TSGA10: variants seen among roughly 807,000 people sequenced by gnomAD.
TSGA10 encodes testis-specific gene 10 protein.
A neutral mutation model predicts 96.6 loss-of-function variants in TSGA10; 43 were observed. The observed-to-expected ratio is 0.44, with a 90% confidence interval of 0.35 to 0.57. TSGA10 has a LOEUF of 0.57. Among genes scored for constraint, TSGA10 ranks in the 20% least tolerant of loss-of-function variants. The pLI is 0.01. For synonymous variants in TSGA10, 229 were observed against 269.9 expected, an observed-to-expected ratio of 0.85 and a Z score of 1.48; for missense variants, 703 against 834.4, an observed-to-expected ratio of 0.84 and a Z score of 1.94.
chr2:99,104,163 C>G (rs772390087), intron 9 of TSGA10, 45 bp from the exon 10 acceptor site: 2 of 1,600,400 alleles, frequency 1.2e-6, no homozygotes, highest in East Asian at 4.5e-5. Context: ...CTAAAAACAC[C>G]TTAGTAATCT....
chr2:99,073,702 C>T (rs540832462), intron 12 of TSGA10, among the ~76,000 whole-genome samples: 62 of 152,012 alleles, frequency 4.1e-4, no homozygotes, highest in Non-Finnish European at 6.0e-4. Context: ...TTTTCAAAGG[C>T]GTGATGAGGG....
chr2:99,034,039 A>T (rs1558789544), intron 17 of TSGA10, among the ~76,000 whole-genome samples: 1 of 152,146 alleles, frequency 6.6e-6, no homozygotes, highest in Non-Finnish European at 1.5e-5. Flanking sequence ...CTGAACTTGG[A>T]AGGAATGGAT....
chr2:99,127,420 T>C (rs1574593381), intron 1 of TSGA10, among the ~76,000 whole-genome samples: 1 of 152,306 alleles, frequency 6.6e-6, no homozygotes, highest in African/African-American at 2.4e-5. Flanking sequence ...TTGGTAATCA[T>C]GGTTCTACAG....
chr2:99,084,041 A>G (rs528307067), intron 10 of TSGA10, among the ~76,000 whole-genome samples: 1 of 152,294 alleles, frequency 6.6e-6, no homozygotes, highest in Admixed American at 6.5e-5. Flanking sequence ...ACATCGACTT[A>G]TCTGTATATT....
At chr2:99,140,652 C>T (rs375642564) in intron 1 of TSGA10, among the ~76,000 whole-genome samples, 3 of 152,060 alleles carry the variant, frequency 2.0e-5, no homozygotes, top group East Asian at 1.9e-4. Context: ...CATGCAAATG[C>T]CTATGTAATC....
chr2:99,081,748 G>A lies in TSGA10; in HGVS notation c.612-351C>T, dbSNP rs79010605. On this transcript the variant is annotated intron_variant, in intron 10 of 20. Transcript: ENST00000393483. ...GTTTTATGTTTTAATTCAGAAACAAGATGAGGCCATAGAGATGTCTGCAAC... is the reference window on the plus strand; with the variant it reads ...GTTTTATGTTTTAATTCAGAAACAAAATGAGGCCATAGAGATGTCTGCAAC... 4.5e-4 allele frequency among the ~76,000 whole-genome samples: 68 copies of A among 152,242 alleles called. 2 individuals are homozygous for A. The East Asian group carries it at 0.011, about 24-fold the overall frequency.
chr2:99,115,781 G>A (rs947685642), intron 4 of TSGA10, among the ~76,000 whole-genome samples: 4 of 152,140 alleles, frequency 2.6e-5, no homozygotes, highest in African/African-American at 7.2e-5. Context: ...TCGGGAGACT[G>A]AGGCAGGAAA....
At chr2:99,054,189 T>C (rs1377285198) in intron 16 of TSGA10, among the ~76,000 whole-genome samples, 2 of 151,980 alleles carry the variant, frequency 1.3e-5, no homozygotes, top group East Asian at 1.9e-4. Flanking sequence ...TAGAGACCAA[T>C]GGAACAGAAT....
chr2:99,118,503 G>GT (rs1374852724), intron 3 of TSGA10, 48 bp downstream of exon 3: 16 of 695,450 alleles, frequency 2.3e-5, no homozygotes, highest in Non-Finnish European at 2.8e-5. Flanking sequence ...ATATATATGT[G>GT]TATTATTAAC....
At chr2:99,135,618 A>T (rs1005622903) in intron 1 of TSGA10, among the ~76,000 whole-genome samples, 1 of 152,222 alleles carries the variant, frequency 6.6e-6, no homozygotes, top group Non-Finnish European at 1.5e-5. Context: ...TACATTCATT[A>T]TCCTAGTTCT....
chr2:99,100,681 G>A (rs977711737), intron 10 of TSGA10, among the ~76,000 whole-genome samples: 3 of 151,868 alleles, frequency 2.0e-5, no homozygotes, highest in Non-Finnish European at 2.9e-5. Flanking sequence ...TTAGCCAGGC[G>A]CGGTGGCGGG....
At chr2:99,005,507 C>CA (rs1558694123) in intron 20 of TSGA10, among the ~76,000 whole-genome samples, 1 of 152,098 alleles carries the variant, frequency 6.6e-6, no homozygotes, top group Non-Finnish European at 1.5e-5. Flanking sequence ...AACAGACAGA[C>CA]AGAGAGCCAA....
chr2:99,072,519 C>T (rs1355705796), intron 13 of TSGA10, among the ~76,000 whole-genome samples: 1 of 152,170 alleles, frequency 6.6e-6, no homozygotes, highest in African/African-American at 2.4e-5. Flanking sequence ...GTGTCTCTCC[C>T]TCATACAAAA....
At chr2:99,080,122 G>A (rs950509717) in intron 11 of TSGA10, among the ~76,000 whole-genome samples, 1 of 152,048 alleles carries the variant, frequency 6.6e-6, no homozygotes, top group Non-Finnish European at 1.5e-5. Flanking sequence ...CAAACTTCTT[G>A]AGAGACTTCT....
At chr2:99,069,026 C>T (rs2085611801) in intron 14 of TSGA10, 28 bp from the exon 15 acceptor site, 1 of 1,250,476 alleles carries the variant, frequency 8.0e-7, no homozygotes, top group Non-Finnish European at 1.1e-6. Context: ...GTATATTTGA[C>T]TATGAAAAAT....
At chr2:99,066,114 T>C (rs1378778575) in intron 15 of TSGA10, among the ~76,000 whole-genome samples, 1 of 152,184 alleles carries the variant, frequency 6.6e-6, no homozygotes, top group Non-Finnish European at 1.5e-5. Context: ...CAAATTGCAA[T>C]AAATAATGTC....
At chr2:99,130,996 ATC>A (rs201114317) in intron 1 of TSGA10, among the ~76,000 whole-genome samples, 1,629 of 151,814 alleles carry the variant, frequency 0.011, 9 homozygotes, top group Middle Eastern at 0.024. Context: ...ATTGGTATAT[ATC>A]TGTTTTGGTA....
intron 16 of TSGA10, among the ~76,000 whole-genome samples, chr2:99,046,087 T>A (rs566966999): frequency 2.0e-5 from 3 of 151,910 alleles, no homozygotes; most frequent in Non-Finnish European, 4.4e-5. Context: ...TCCTTAGAGA[T>A]CTACAAAGAG....
intron 16 of TSGA10, among the ~76,000 whole-genome samples, chr2:99,041,236 G>T (rs1442814879): frequency 1.3e-5 from 2 of 152,216 alleles, no homozygotes; most frequent in Non-Finnish European, 2.9e-5. Flanking sequence ...CTTTGCTCAA[G>T]TGTGCTCTCA....
Sources: gnomAD v4.1 joint callset for allele counts (sites outside exome capture counted in the v4.1 genomes callset) on GRCh38, gnomAD v4.1.1 for gene constraint, MANE v1.5 for transcripts, NCBI Gene and HGNC (gene_info 2026-07-23, HGNC 2026-07-21) for gene names.